The following DPY19L4 variants were observed in gnomAD, a reference collection of about 807,000 sequenced individuals.
The protein encoded by DPY19L4 is dpy-19 like 4, also known as probable C-mannosyltransferase DPY19L4.
A neutral mutation model predicts 102.8 loss-of-function variants in DPY19L4; 97 were observed. The observed-to-expected ratio is 0.94, with a 90% CI of 0.80 to 1.12. The LOEUF (loss-of-function observed/expected upper bound fraction) is 1.12, where lower values mean the gene tolerates loss of function less well. Among genes scored for constraint, DPY19L4 ranks in the 50% most tolerant of loss-of-function variants. DPY19L4 has a pLI of 0.00. For missense variants in DPY19L4, 815 were observed against 850.4 expected (o/e 0.96, Z 0.52); for synonymous variants, 252 against 283.1 (o/e 0.89, Z 1.10).
intron 13 of DPY19L4, among the ~76,000 whole-genome samples, chr8:94,774,039 T>TAA (rs79751438): frequency 6.4e-4 from 66 of 102,786 alleles, no homozygotes; most frequent in Non-Finnish European, 1.0e-3. Context: ...TGTCTTTAGT[T>TAA]AAAAAAAAAA....
intron 16 of DPY19L4, among the ~76,000 whole-genome samples, chr8:94,783,119 G>A (rs561678420): frequency 2.0e-5 from 3 of 149,718 alleles, no homozygotes; most frequent in Non-Finnish European, 4.4e-5. Flanking sequence ...TTTGGGACCT[G>A]CTTGTAGGTT....
chr8:94,761,738 A>T lies in DPY19L4; in HGVS notation c.774A>T (p.Thr258=), dbSNP rs1466521871. 3.1e-6 allele frequency: 5 copies of T among 1,610,698 alleles called. No homozygotes were observed. Among genetic ancestry groups the T allele is most frequent in the Non-Finnish European group, 4.2e-6 (5 of 1,178,866 alleles). Residue 258 remains threonine, a synonymous_variant, in exon 8 of 19, where the codon ACA becomes ACT. Coordinates refer to ENST00000414645, the MANE Select transcript of DPY19L4 (RefSeq NM_181787.3). ...CYLLMSASTY[T]FMMMWEYSHY... The stretch of plus-strand genomic sequence containing the variant: ...TGTTGATGAGTGCTTCAACTTACAC[A>T]TTTATGATGATGTGGGAGTATAGCC...
intron 3 of DPY19L4, among the ~76,000 whole-genome samples, 161 bp from the exon 4 acceptor site, chr8:94,738,208 C>T (rs1457102728): frequency 2.6e-5 from 4 of 151,014 alleles, no homozygotes; most frequent in Non-Finnish European, 5.9e-5. Context: ...GTCCCAGCTA[C>T]TCGGGAGGCT....
At chr8:94,784,381 T>G (rs1813568300) in intron 17 of DPY19L4, among the ~76,000 whole-genome samples, 1 of 152,220 alleles carries the variant, frequency 6.6e-6, no homozygotes. Context: ...CAGCTAACGT[T>G]CTTTTTAAAA....
At chr8:94,755,561 G>C (rs1420204029) in intron 6 of DPY19L4, among the ~76,000 whole-genome samples, 1 of 152,182 alleles carries the variant, frequency 6.6e-6, no homozygotes, top group African/African-American at 2.4e-5. Flanking sequence ...GGGGCTGGGG[G>C]TGAGACCCTA....
At chr8:94,724,716 T>C (rs1810614376) in intron 1 of DPY19L4, among the ~76,000 whole-genome samples, 1 of 152,172 alleles carries the variant, frequency 6.6e-6, no homozygotes, top group South Asian at 2.1e-4. Context: ...GCCTCCTGAG[T>C]AGCTGGGATT....
At chr8:94,763,584 G>C (rs1342976157) in intron 8 of DPY19L4, among the ~76,000 whole-genome samples, 1 of 149,712 alleles carries the variant, frequency 6.7e-6, no homozygotes, top group African/African-American at 2.5e-5. Context: ...GCAGTGGTGC[G>C]ATCTCAGCTC....
chr8:94,729,596 T>C (rs1204730627), intron 2 of DPY19L4, among the ~76,000 whole-genome samples: 2 of 8,180 alleles, frequency 2.4e-4, no homozygotes, highest in African/African-American at 3.1e-3. Context: ...AGATTCCATC[T>C]CAAAAAAAAA....
intron 6 of DPY19L4, among the ~76,000 whole-genome samples, chr8:94,748,552 A>G (rs1206544075): frequency 6.6e-6 from 1 of 152,108 alleles, no homozygotes; most frequent in East Asian, 1.9e-4. Context: ...ACAGACCAGT[A>G]CCCATCAGAG....
rs547192447 is a variant in DPY19L4 at position 94,788,651 on chromosome 8, G to A, written c.2007+599G>A. On this transcript the variant is annotated intron_variant, in intron 18 of 18. Transcript: ENST00000414645. ...ACCTAAGACTGACGCACGCGCGCGC[G>A]CATGTGTCTTCCCCCCCAGCCCCCA... is the stretch of plus-strand genomic sequence containing the variant. Among the ~76,000 whole-genome samples the A allele has an allele frequency of 1.8e-3, 266 of 150,734 alleles. 2 individuals carry two copies. Among genetic ancestry groups the A allele is most frequent in the Middle Eastern group, 3.5e-3 (1 of 288 alleles).
intron 2 of DPY19L4, among the ~76,000 whole-genome samples, chr8:94,726,709 T>C (rs1810705222): frequency 1.3e-5 from 2 of 152,132 alleles, no homozygotes; most frequent in South Asian, 4.1e-4. Flanking sequence ...TCTTGTGACG[T>C]AGGAAAAGAG....
intron 6 of DPY19L4, among the ~76,000 whole-genome samples, chr8:94,751,241 C>G (rs1253923973): frequency 1.3e-5 from 2 of 151,276 alleles, no homozygotes; most frequent in African/African-American, 2.4e-5. Context: ...GCCTCAGCCT[C>G]CCGAGTAGCT....
chr8:94,784,863 A>G (rs1813590195), intron 17 of DPY19L4, among the ~76,000 whole-genome samples: 1 of 152,256 alleles, frequency 6.6e-6, no homozygotes, highest in African/African-American at 2.4e-5. Context: ...TTGACTCAGT[A>G]TAACATTAGA....
At chr8:94,770,361 A>G (rs1221567232) in intron 12 of DPY19L4, 91 bp from the exon 13 acceptor site, 14 of 1,314,858 alleles carry the variant, frequency 1.1e-5, no homozygotes, top group Non-Finnish European at 1.4e-5. Context: ...ATAAAATTTT[A>G]GGTATGTCCT....
intron 1 of DPY19L4, 135 bp downstream of exon 1, chr8:94,720,149 A>G: frequency 7.3e-7 from 1 of 1,364,584 alleles, no homozygotes; most frequent in Non-Finnish European, 9.5e-7. Context: ...GGCGGGAAGG[A>G]GCGCGGCGCC....
intron 13 of DPY19L4, among the ~76,000 whole-genome samples, chr8:94,774,409 GT>G (rs914065235): frequency 2.0e-5 from 3 of 151,172 alleles, no homozygotes; most frequent in African/African-American, 7.3e-5. Context: ...CCATCTTAAT[GT>G]TTTTTAAGTA....
intron 15 of DPY19L4, among the ~76,000 whole-genome samples, chr8:94,780,700 C>T (rs6985400): frequency 0.83 from 126,290 of 152,106 alleles, 52,862 homozygotes; most frequent in East Asian, 0.96. Context: ...TATTAAAACA[C>T]GTTTTGGTAA....
At chr8:94,769,936 G>A (rs1423686551) in intron 12 of DPY19L4, among the ~76,000 whole-genome samples, 3 of 143,756 alleles carry the variant, frequency 2.1e-5, no homozygotes, top group African/African-American at 7.9e-5. Flanking sequence ...CACTCAGGCT[G>A]GAGTGCAGTG....
At chr8:94,788,087 A>T in intron 18 of DPY19L4, 35 bp downstream of exon 18, 1 of 1,089,554 alleles carries the variant, frequency 9.2e-7, no homozygotes, top group Middle Eastern at 3.8e-4. Flanking sequence ...ATATATGTAT[A>T]TATATATATT....
Sources: allele counts gnomAD v4.1 joint callset (sites outside exome capture counted in the v4.1 genomes callset), GRCh38; gene constraint gnomAD v4.1.1; transcripts MANE v1.5; gene names NCBI Gene and HGNC (gene_info 2026-07-23, HGNC 2026-07-21).